The following CFAP68 variants were observed in gnomAD, a reference collection of about 807,000 sequenced individuals.
CFAP68 encodes the protein cilia- and flagella-associated protein 68.
chr11:111,883,023 A>T, the CFAP68 span: 22 of 829,132 alleles, frequency 2.7e-5, no homozygotes, highest in Middle Eastern at 6.6e-4. Flanking sequence ...ACACCATAGA[A>T]CTCAGTCCAT....
the CFAP68 span, chr11:111,884,604 A>G: frequency 1.3e-5 from 2 of 152,234 alleles, no homozygotes; most frequent in African/African-American, 4.8e-5. Flanking sequence ...CTTTCTGGGT[A>G]TAAGCCAGAG....
chr11:111,884,926 G>T, the CFAP68 span: 1 of 152,154 alleles, frequency 6.6e-6, no homozygotes, highest in African/African-American at 2.4e-5. Context: ...TGAGGTGGGT[G>T]GATCACCTGA....
chr11:111,879,584 C>T, the CFAP68 span: 1 of 1,614,190 alleles, frequency 6.2e-7, no homozygotes, highest in Non-Finnish European at 8.5e-7. Flanking sequence ...AGTGTCTCTG[C>T]TGCTCAAAAT....
chr11:111,881,076 T>C, the CFAP68 span: 3 of 530,718 alleles, frequency 5.7e-6, no homozygotes, highest in Non-Finnish European at 5.5e-6. Flanking sequence ...GCAATGGGAA[T>C]GGAGGGTGGC....
the CFAP68 span, chr11:111,883,842 GA>G: frequency 6.2e-7 from 1 of 1,612,876 alleles, no homozygotes; most frequent in Admixed American, 1.7e-5. Context: ...CAAATGCACA[GA>G]AAAGTCAACT....
chr11:111,884,234 G>T, the CFAP68 span: 1 of 178,480 alleles, frequency 5.6e-6, no homozygotes, highest in Middle Eastern at 2.5e-3. Context: ...AGCACTTTGG[G>T]AGGCCGAGGC....
At chr11:111,884,092 TTTG>T in the CFAP68 span, 319 of 429,384 alleles carry the variant, frequency 7.4e-4, no homozygotes, top group African/African-American at 6.1e-3. Flanking sequence ...TATCCCTTTT[TTTG>T]TTGTTGTTTT....
the CFAP68 span, among the ~76,000 whole-genome samples, chr11:111,880,275 C>A: frequency 1.3e-5 from 2 of 152,160 alleles, no homozygotes; most frequent in South Asian, 4.2e-4. Context: ...ATGTTTAGCT[C>A]CCACTTATAA....
the CFAP68 span, chr11:111,879,608 G>A: frequency 2.1e-5 from 34 of 1,612,792 alleles, no homozygotes; most frequent in Non-Finnish European, 2.8e-5. Flanking sequence ...TCTTCCAGGT[G>A]CTTAAATCTC....
chr11:111,879,638 G>T, the CFAP68 span: 14 of 1,602,490 alleles, frequency 8.7e-6, no homozygotes, highest in South Asian at 1.5e-4. Context: ...ATTCGTTCAA[G>T]AAAGAGTATT....
the CFAP68 span, chr11:111,883,180 C>T: frequency 6.3e-7 from 1 of 1,578,244 alleles, no homozygotes; most frequent in Non-Finnish European, 8.6e-7. Flanking sequence ...GCTACAACAA[C>T]AAAATGCCAC....
the CFAP68 span, chr11:111,882,661 C>T: frequency 8.7e-6 from 12 of 1,377,214 alleles, no homozygotes; most frequent in African/African-American, 2.9e-5. Context: ...AATGTAGTGG[C>T]CATTTGAAAT....
chr11:111,880,213 G>A, the CFAP68 span, among the ~76,000 whole-genome samples: 1 of 152,084 alleles, frequency 6.6e-6, no homozygotes, highest in Non-Finnish European at 1.5e-5. Context: ...CCCCACTCTA[G>A]TTAGTAGCCT....
At chr11:111,882,745 G>A in the CFAP68 span, 8 of 728,950 alleles carry the variant, frequency 1.1e-5, no homozygotes, top group Non-Finnish European at 1.5e-5. Flanking sequence ...GGAACAGTCC[G>A]CAGCTGAACC....
the CFAP68 span, chr11:111,881,547 T>C: frequency 5.2e-6 from 8 of 1,536,114 alleles, no homozygotes; most frequent in Non-Finnish European, 7.0e-6. Flanking sequence ...TAAGGATTTC[T>C]GTGACTCTCA....
the CFAP68 span, chr11:111,882,425 G>T: frequency 6.2e-7 from 1 of 1,614,174 alleles, no homozygotes; most frequent in Admixed American, 1.7e-5. Flanking sequence ...TGTTAATGCA[G>T]ATGGCCATGG....
the CFAP68 span, chr11:111,882,253 T>C: frequency 1.3e-6 from 1 of 784,622 alleles, no homozygotes; most frequent in Non-Finnish European, 2.0e-6. Context: ...ATAGCCTGGA[T>C]CATTAGTACG....
chr11:111,882,064 A>G, the CFAP68 span, among the ~76,000 whole-genome samples: 1 of 152,280 alleles, frequency 6.6e-6, no homozygotes, highest in East Asian at 1.9e-4. Flanking sequence ...TCTCAAAATT[A>G]CCTTAAAAAT....
At chr11:111,883,637 A>T in the CFAP68 span, 1 of 685,456 alleles carries the variant, frequency 1.5e-6, no homozygotes, top group Non-Finnish European at 2.5e-6. Context: ...ATGAATGAGT[A>T]AACAGGATTT....
Sources: gnomAD v4.1 joint callset for allele counts (sites outside exome capture counted in the v4.1 genomes callset) on GRCh38, gnomAD v4.1.1 for gene constraint, MANE v1.5 for transcripts, NCBI Gene and HGNC (gene_info 2026-07-23, HGNC 2026-07-21) for gene names.